Variants in CCDC7 observed in about 807,000 individuals in gnomAD.
The protein encoded by CCDC7 is coiled-coil domain containing 7.
A neutral mutation model predicts 196.9 loss-of-function variants in CCDC7; 183 were observed. That is an observed-to-expected ratio of 0.93 (90% CI 0.82 to 1.05). The LOEUF (loss-of-function observed/expected upper bound fraction) is 1.05. CCDC7 is among the 50% of genes least tolerant of loss of function. CCDC7 has a pLI of 0.00. For missense variants in CCDC7, 1,540 were observed against 1,482.2 expected (o/e 1.04, Z -0.64); for synonymous variants, 525 against 484.6 (o/e 1.08, Z -1.10).
intron 20 of CCDC7, among the ~76,000 whole-genome samples, chr10:32,641,472 G>A (rs1230410415): frequency 2.0e-5 from 3 of 152,150 alleles, no homozygotes; most frequent in Admixed American, 1.3e-4. Flanking sequence ...CATTTGTCAC[G>A]TAGTTCTCAT....
At chr10:32,849,710 AAAAAAAAAAAG>A (rs1263073761) in intron 39 of CCDC7, among the ~76,000 whole-genome samples, 5 of 151,612 alleles carry the variant, frequency 3.3e-5, no homozygotes, top group African/African-American at 1.2e-4. Context: ...TCAAAAAAAA[AAAAAAAAAAAG>A]AAAAGAAAAA....
intron 28 of CCDC7, among the ~76,000 whole-genome samples, chr10:32,764,946 A>G (rs1453785880): frequency 1.3e-5 from 2 of 152,106 alleles, no homozygotes; most frequent in Non-Finnish European, 2.9e-5. Context: ...TATCTATGGC[A>G]TTGGCTAGTT....
At chr10:32,830,080 T>G (rs1324670430) in intron 32 of CCDC7, among the ~76,000 whole-genome samples, 1 of 114,296 alleles carries the variant, frequency 8.7e-6, no homozygotes, top group African/African-American at 2.7e-5. Flanking sequence ...GAGTTAATAC[T>G]TAATAAATAT....
At chr10:32,634,220 C>T (rs1309207995) in intron 18 of CCDC7, 34 bp from the exon 20 acceptor site, 2 of 964,952 alleles carry the variant, frequency 2.1e-6, no homozygotes, top group Middle Eastern at 3.7e-4. Context: ...AGCTCTTTCT[C>T]TATTTGGTAG....
intron 20 of CCDC7, among the ~76,000 whole-genome samples, chr10:32,649,632 C>G (rs2068373289): frequency 6.6e-6 from 1 of 152,164 alleles, no homozygotes; most frequent in Non-Finnish European, 1.5e-5. Flanking sequence ...TGCTTATTCT[C>G]CTCTCTCAGG....
At chr10:32,577,832 G>T (rs545694670) in intron 16 of CCDC7, among the ~76,000 whole-genome samples, 13 of 152,264 alleles carry the variant, frequency 8.5e-5, no homozygotes, top group African/African-American at 3.1e-4. Flanking sequence ...TCAGATTTTG[G>T]ATTAGAGAAG....
intron 13 of CCDC7, among the ~76,000 whole-genome samples, chr10:32,545,615 G>T (rs551322050): frequency 6.6e-6 from 1 of 152,070 alleles, no homozygotes; most frequent in Non-Finnish European, 1.5e-5. Context: ...GTCAAATTTC[G>T]TATGTCTGGG....
chr10:32,855,540 C>A (rs533027048), intron 41 of CCDC7, among the ~76,000 whole-genome samples: 1 of 152,242 alleles, frequency 6.6e-6, no homozygotes, highest in African/African-American at 2.4e-5. Context: ...CAACCTAGAT[C>A]CCTCTCATGC....
chr10:32,777,235 T>A (rs188678517), intron 28 of CCDC7, among the ~76,000 whole-genome samples: 36 of 152,320 alleles, frequency 2.4e-4, no homozygotes, highest in Non-Finnish European at 4.6e-4. Flanking sequence ...TGCTGTTTAT[T>A]ATTCCGTGGT....
intron 21 of CCDC7, among the ~76,000 whole-genome samples, chr10:32,672,202 A>C (rs1457549522): frequency 6.6e-6 from 1 of 152,174 alleles, no homozygotes; most frequent in African/African-American, 2.4e-5. Flanking sequence ...AACAGAATCA[A>C]GGTGCAGATT....
intron 28 of CCDC7, among the ~76,000 whole-genome samples, chr10:32,730,901 T>G (rs1206606190): frequency 6.6e-6 from 1 of 152,096 alleles, no homozygotes; most frequent in Non-Finnish European, 1.5e-5. Flanking sequence ...TAGTTAAATT[T>G]TAATTAAGCA....
intron 13 of CCDC7, among the ~76,000 whole-genome samples, chr10:32,563,519 T>A (rs1178836003): frequency 6.6e-6 from 1 of 152,182 alleles, no homozygotes; most frequent in Admixed American, 6.5e-5. Flanking sequence ...ATCTGATCTT[T>A]GACAAACCTG....
chr10:32,811,445 TAAG>T (rs2087084503), intron 30 of CCDC7, among the ~76,000 whole-genome samples: 1 of 152,012 alleles, frequency 6.6e-6, no homozygotes, highest in African/African-American at 2.4e-5. Context: ...AAGATTGAAT[TAAG>T]AAGAAATAGA....
chr10:32,750,095 G>A (rs755935761), intron 28 of CCDC7, among the ~76,000 whole-genome samples: 4 of 152,132 alleles, frequency 2.6e-5, no homozygotes, highest in Non-Finnish European at 5.9e-5. Context: ...TACCATTTCA[G>A]TATGTAATTA....
At chr10:32,491,556 C>T (rs181623312) in intron 8 of CCDC7, among the ~76,000 whole-genome samples, 68 of 152,202 alleles carry the variant, frequency 4.5e-4, no homozygotes, top group African/African-American at 1.5e-3. Flanking sequence ...CTCTGATATT[C>T]CATATCATAA....
chr10:32,472,621 G>GT (rs2038177565), intron 7 of CCDC7, 79 bp downstream of exon 8: 9 of 1,271,274 alleles, frequency 7.1e-6, no homozygotes, highest in Non-Finnish European at 9.5e-6. Flanking sequence ...TAAAGAGAGG[G>GT]TCTCACTCTG....
At chr10:32,849,701 CAAAAAAAA>C (rs34677799) in intron 39 of CCDC7, among the ~76,000 whole-genome samples, 4 of 80,822 alleles carry the variant, frequency 4.9e-5, no homozygotes, top group Middle Eastern at 0.016. Flanking sequence ...GACTCCGTCT[CAAAAAAAA>C]AAAAAAAAAA....
At chr10:32,477,204 T>G (rs2039134908) in intron 8 of CCDC7, among the ~76,000 whole-genome samples, 1 of 146,386 alleles carries the variant, frequency 6.8e-6, no homozygotes, top group Non-Finnish European at 1.5e-5. Flanking sequence ...CTATGATCCA[T>G]TTTGAGTTAA....
chr10:32,507,567 T>C (rs1241153422), intron 9 of CCDC7, among the ~76,000 whole-genome samples: 2 of 151,860 alleles, frequency 1.3e-5, no homozygotes, highest in African/African-American at 4.8e-5. Context: ...TCTCCTGCCT[T>C]AGCCTCCTGA....
Sources: gnomAD v4.1 joint callset for allele counts (sites outside exome capture counted in the v4.1 genomes callset) on GRCh38, gnomAD v4.1.1 for gene constraint, MANE v1.5 for transcripts, NCBI Gene and HGNC (gene_info 2026-07-23, HGNC 2026-07-21) for gene names.